NCAM1: variants seen among roughly 807,000 people sequenced by gnomAD.
NCAM1 encodes the protein antigen recognized by monoclonal antibody 5.1H11.
NCAM1 carries 14 observed loss-of-function variants against 109.8 expected under a neutral mutation model. The observed-to-expected ratio is 0.13, with a 90% CI of 0.08 to 0.20. The LOEUF (loss-of-function observed/expected upper bound fraction) is 0.20. Ranked by LOEUF, NCAM1 falls within the 10% of genes least tolerant of loss-of-function variation. NCAM1 has a pLI of 1.00. For missense variants in NCAM1, 774 were observed against 1,109.9 expected (o/e 0.70, Z 4.30); for synonymous variants, 418 against 442.9 (o/e 0.94, Z 0.70).
intron 1 of NCAM1, among the ~76,000 whole-genome samples, chr11:113,005,736 G>A (rs182138434): frequency 5.9e-5 from 9 of 152,242 alleles, no homozygotes; most frequent in Admixed American, 5.2e-4. Context: ...TCTATTTTCA[G>A]CTTCTGTCTC....
chr11:113,038,580 G>T (rs141863045), intron 1 of NCAM1, among the ~76,000 whole-genome samples: 2,162 of 152,298 alleles, frequency 0.014, 29 homozygotes, highest in Middle Eastern at 0.027. Flanking sequence ...TAGTAGATCT[G>T]CTTGGCTTGG....
intron 1 of NCAM1, among the ~76,000 whole-genome samples, chr11:113,012,153 G>T (rs1223464315): frequency 1.3e-5 from 2 of 151,962 alleles, no homozygotes; most frequent in Admixed American, 6.6e-5. Flanking sequence ...TGAGGAGCTG[G>T]GACTATAAGC....
intron 1 of NCAM1, among the ~76,000 whole-genome samples, chr11:113,080,730 CAT>C (rs1454671346): frequency 6.6e-6 from 1 of 152,224 alleles, no homozygotes; most frequent in Non-Finnish European, 1.5e-5. Context: ...GGATCGTACA[CAT>C]GGAGCCATAC....
Position 113,221,344 on chromosome 11 carries a change from C to G in NCAM1, c.1089+19C>G. ...GCAAGAGGTATAGCTTACCTGACCA[C>G]TAGCCAGTCTTTAGTTTTGAAAGCA... On this transcript the variant is annotated intron_variant, in intron 9 of 19. Coordinates refer to ENST00000316851, the MANE Select transcript of NCAM1 (RefSeq NM_181351.5). 1.9e-6 allele frequency: 3 copies of G among 1,565,840 alleles called. No homozygotes were observed. Among genetic ancestry groups the G allele is most frequent in the Non-Finnish European group, 2.6e-6 (3 of 1,153,096 alleles).
intron 7 of NCAM1, among the ~76,000 whole-genome samples, chr11:113,211,052 TC>T (rs1182554439): frequency 6.6e-6 from 1 of 152,142 alleles, no homozygotes; most frequent in Non-Finnish European, 1.5e-5. Flanking sequence ...CCATCCATCT[TC>T]CCTTCTCATC....
At chr11:113,069,204 G>A (rs569014372) in intron 1 of NCAM1, among the ~76,000 whole-genome samples, 11 of 152,286 alleles carry the variant, frequency 7.2e-5, no homozygotes, top group African/African-American at 2.6e-4. Flanking sequence ...ACAGAGAGAT[G>A]TCTAGAGAAA....
At chr11:113,105,786 A>C (rs1555092424) in intron 1 of NCAM1, among the ~76,000 whole-genome samples, 1 of 152,204 alleles carries the variant, frequency 6.6e-6, no homozygotes, top group African/African-American at 2.4e-5. Context: ...AGTGGCTGCT[A>C]AGAGGTGTGT....
intron 1 of NCAM1, among the ~76,000 whole-genome samples, chr11:113,036,932 G>A (rs1952908135): frequency 6.6e-6 from 1 of 152,094 alleles, no homozygotes. Flanking sequence ...GAACAGGTGG[G>A]CATTCATCTC....
At chr11:113,059,587 C>A (rs553430238) in intron 1 of NCAM1, among the ~76,000 whole-genome samples, 2 of 152,012 alleles carry the variant, frequency 1.3e-5, no homozygotes, top group African/African-American at 4.8e-5. Flanking sequence ...GCCTGGGGGT[C>A]GCAGGTGGAC....
intron 1 of NCAM1, among the ~76,000 whole-genome samples, chr11:112,969,328 T>G (rs1458325191): frequency 6.6e-6 from 1 of 152,146 alleles, no homozygotes; most frequent in Non-Finnish European, 1.5e-5. Flanking sequence ...TTAAATGACT[T>G]AGGCAGGTGG....
intron 1 of NCAM1, among the ~76,000 whole-genome samples, chr11:112,971,250 C>T (rs1361557889): frequency 6.6e-6 from 1 of 151,828 alleles, no homozygotes; most frequent in Admixed American, 6.6e-5. Context: ...CTCTCTGTCT[C>T]TGTCTCTCTC....
chr11:113,047,380 T>G (rs578227012), intron 1 of NCAM1, among the ~76,000 whole-genome samples: 1 of 152,158 alleles, frequency 6.6e-6, no homozygotes, highest in Non-Finnish European at 1.5e-5. Context: ...TAAGCAATAC[T>G]GTAAAAATAT....
chr11:112,984,848 C>T (rs781923841), intron 1 of NCAM1, among the ~76,000 whole-genome samples: 2 of 151,586 alleles, frequency 1.3e-5, no homozygotes, highest in African/African-American at 2.4e-5. Flanking sequence ...AACCCATAGA[C>T]TTCCTTTTCT....
chr11:113,058,499 G>A (rs782344695), intron 1 of NCAM1, among the ~76,000 whole-genome samples: 10 of 152,148 alleles, frequency 6.6e-5, no homozygotes, highest in Non-Finnish European at 1.5e-4. Flanking sequence ...CAGAAGCTAT[G>A]CCATGAAGCA....
At chr11:113,105,214 A>C (rs1260527690) in intron 1 of NCAM1, among the ~76,000 whole-genome samples, 3 of 152,214 alleles carry the variant, frequency 2.0e-5, no homozygotes, top group African/African-American at 7.2e-5. Flanking sequence ...GTGGGACCCC[A>C]GTAGCAGATG....
intron 15 of NCAM1, among the ~76,000 whole-genome samples, chr11:113,250,334 C>T (rs1216956014): frequency 6.6e-6 from 1 of 152,194 alleles, no homozygotes; most frequent in African/African-American, 2.4e-5. Flanking sequence ...TTTTGTTTGT[C>T]GTCGAGGGCT....
intron 1 of NCAM1, among the ~76,000 whole-genome samples, chr11:112,996,517 A>T (rs934291512): frequency 6.6e-6 from 1 of 152,204 alleles, no homozygotes; most frequent in African/African-American, 2.4e-5. Context: ...ATTATCATAA[A>T]CAGCATGATA....
intron 1 of NCAM1, among the ~76,000 whole-genome samples, chr11:112,973,387 G>A (rs1435738278): frequency 2.0e-5 from 3 of 152,116 alleles, no homozygotes; most frequent in Non-Finnish European, 4.4e-5. Flanking sequence ...CTGTTATCAA[G>A]GGCATAAGAA....
intron 1 of NCAM1, among the ~76,000 whole-genome samples, chr11:112,971,981 G>A (rs955083910): frequency 6.6e-6 from 1 of 152,178 alleles, no homozygotes; most frequent in African/African-American, 2.4e-5. Flanking sequence ...GATAAAAGGG[G>A]CATAGCTGAG....
Sources: allele counts gnomAD v4.1 joint callset (sites outside exome capture counted in the v4.1 genomes callset), GRCh38; gene constraint gnomAD v4.1.1; transcripts MANE v1.5; gene names NCBI Gene and HGNC (gene_info 2026-07-23, HGNC 2026-07-21).